Variants in LDHAL6A observed in about 807,000 individuals in gnomAD.
LDHAL6A encodes L-lactate dehydrogenase A-like 6A.
Under a neutral mutation model 28.2 loss-of-function variants are expected in LDHAL6A, and 19 were observed. The ratio of observed to expected loss-of-function variants is 0.67; its 90% CI spans 0.47 to 0.99. LDHAL6A has a LOEUF of 0.99. Ranked by LOEUF, LDHAL6A falls within the 50% of genes least tolerant of loss-of-function variation. LDHAL6A has a pLI of 0.00. For missense variants in LDHAL6A, 372 were observed against 398.6 expected (o/e 0.93, Z 0.57); for synonymous variants, 144 against 134.4 (o/e 1.07, Z -0.49).
chr11:18,463,665 C>T (rs1848980011), intron 1 of LDHAL6A, among the ~76,000 whole-genome samples: 1 of 152,176 alleles, frequency 6.6e-6, no homozygotes, highest in South Asian at 2.1e-4. Flanking sequence ...TATCACTGTG[C>T]AGCCTCAGCT....
chr11:18,477,184 GCTCATGC>G (rs565599480), intron 5 of LDHAL6A, among the ~76,000 whole-genome samples: 1 of 151,582 alleles, frequency 6.6e-6, no homozygotes, highest in African/African-American at 2.4e-5. Flanking sequence ...GGGCGTGGTG[GCTCATGC>G]CTCATGCCTC....
At chr11:18,478,309 T>G (rs1849439661) in intron 6 of LDHAL6A, among the ~76,000 whole-genome samples, 1 of 152,094 alleles carries the variant, frequency 6.6e-6, no homozygotes, top group African/African-American at 2.4e-5. Context: ...GAAAGAAGGG[T>G]GAGCCCCAGC....
intron 5 of LDHAL6A, 31 bp downstream of exon 5, chr11:18,476,532 T>G (rs1463003853): frequency 6.2e-7 from 1 of 1,607,118 alleles, no homozygotes; most frequent in South Asian, 1.1e-5. Flanking sequence ...TTTCAGTACC[T>G]TAGAAGTTGT....
At chr11:18,465,493 TAA>T (rs1330692570) in intron 2 of LDHAL6A, 142 bp from the exon 3 acceptor site, 1 of 473,920 alleles carries the variant, frequency 2.1e-6, no homozygotes, top group East Asian at 3.5e-5. Context: ...TTCCTGAAAT[TAA>T]AAAGTAGTCT....
Position 18,475,490 on chromosome 11 carries a change from G to A in LDHAL6A, c.443G>A (p.Trp148Ter), listed in dbSNP as rs1388990427. Residue 148 changes from tryptophan to a stop codon, truncating the protein, a stop_gained, in exon 4 of 7, where the codon TGG becomes TAG. Coordinates refer to ENST00000280706, the MANE Select transcript of LDHAL6A (RefSeq NM_144972.5). LOFTEE classifies it high-confidence loss of function. The stretch of plus-strand genomic sequence containing the variant: ...GTGGATATCTTAACTTATGTAGCCT[G>A]GAAGTTGAGTGGATTTCCCAAAAAC... ...NPVDILTYVAWKLSGFPKNRV... is the reference protein window; with the variant it reads ...NPVDILTYVA 1.2e-6 allele frequency: 2 copies of A among 1,613,594 alleles called. No individual in the cohort carries two copies. The highest frequency in any genetic ancestry group is 8.5e-7 in the Non-Finnish European group (1 of 1,179,726).
At chr11:18,466,163 G>A (rs1008877673) in intron 3 of LDHAL6A, among the ~76,000 whole-genome samples, 6 of 152,116 alleles carry the variant, frequency 3.9e-5, no homozygotes, top group African/African-American at 9.7e-5. Flanking sequence ...GTTTTTTATG[G>A]CTGCATAGGA....
chr11:18,462,731 G>A (rs1320897879), intron 1 of LDHAL6A, among the ~76,000 whole-genome samples: 7 of 151,364 alleles, frequency 4.6e-5, no homozygotes, highest in African/African-American at 1.7e-4. Context: ...TACTCAGGAA[G>A]CTGAGGCAGG....
At chr11:18,466,688 G>C (rs892552379) in intron 3 of LDHAL6A, among the ~76,000 whole-genome samples, 1 of 150,252 alleles carries the variant, frequency 6.7e-6, no homozygotes, top group Non-Finnish European at 1.5e-5. Flanking sequence ...TGTATGGGAA[G>C]ATAATATGCT....
At chr11:18,476,245 T>A in intron 4 of LDHAL6A, 139 bp from the exon 5 acceptor site, 1 of 877,644 alleles carries the variant, frequency 1.1e-6, no homozygotes. Flanking sequence ...AGATTTAGAA[T>A]ATCTGGAGTG....
At chr11:18,457,472 A>C (rs1848788784) in intron 1 of LDHAL6A, among the ~76,000 whole-genome samples, 1 of 152,008 alleles carries the variant, frequency 6.6e-6, no homozygotes, top group Non-Finnish European at 1.5e-5. Flanking sequence ...GCCATCTTTT[A>C]TATAACCTTT....
Position 18,462,764 on chromosome 11 carries a change from C to T in LDHAL6A, c.127-1197C>T, listed in dbSNP as rs182275359. Among the ~76,000 whole-genome samples, 452 of 151,298 alleles carry T rather than the reference C, an allele frequency of 3.0e-3. 3 individuals carry two copies. The Middle Eastern group carries it at 0.031, about 10-fold the overall frequency. ...AGGAGAATCACTAGAACCCAGGAAG[C>T]GGAGGTGGCAGTGAGCCGAGATTGC... On this transcript the variant is annotated intron_variant, in intron 1 of 6. Transcript: ENST00000280706.
At chr11:18,459,688 C>G (rs866902015) in intron 1 of LDHAL6A, among the ~76,000 whole-genome samples, 4 of 152,194 alleles carry the variant, frequency 2.6e-5, no homozygotes, top group Non-Finnish European at 5.9e-5. Context: ...AAAGTCCACA[C>G]TTTACTCAGA....
At chr11:18,470,116 A>G (rs1849222492) in intron 3 of LDHAL6A, among the ~76,000 whole-genome samples, 1 of 152,160 alleles carries the variant, frequency 6.6e-6, no homozygotes, top group Non-Finnish European at 1.5e-5. Flanking sequence ...TTTAGTACAG[A>G]TGGGGTTTTA....
Position 18,459,479 on chromosome 11 carries a change from G to C in LDHAL6A, c.126+2673G>C, listed in dbSNP as rs186931951. Among the ~76,000 whole-genome samples the C allele has an allele frequency of 4.4e-3, 673 of 152,258 alleles. 8 individuals are homozygous for C. The highest frequency in any genetic ancestry group is 0.015 in the African/African-American group (629 of 41,540). On this transcript the variant is annotated intron_variant, in intron 1 of 6. Transcript: ENST00000280706. ...TTTTGGGACTTGGACTGGCTTCCTT[G>C]CTCCTCGGCTTGCAAATGGCCTGTT...
intron 1 of LDHAL6A, among the ~76,000 whole-genome samples, chr11:18,461,084 C>T (rs141433779): frequency 3.1e-4 from 47 of 151,972 alleles, no homozygotes; most frequent in Middle Eastern, 3.4e-3. Flanking sequence ...GTGATCCGCC[C>T]GCCTTGGCCT....
chr11:18,456,560 C>A lies in LDHAL6A; in HGVS notation c.-121C>A. The A allele has an allele frequency of 1.3e-6, 1 of 775,186 alleles. No homozygotes were observed. 48.0% of individuals were successfully genotyped at this position (775,186 alleles called of 1,614,324 possible). On this transcript the variant is annotated 5_prime_UTR_variant, in exon 1 of 7. Coordinates refer to ENST00000280706, the MANE Select transcript of LDHAL6A (RefSeq NM_144972.5). ...TTTTGTGTGTCTGCAGCACCTCCTT[C>A]CACACGGGCCCAGGAGTTCTCTATA...
rs199684689 is a variant in LDHAL6A, at chr11:18,477,760, C to T, written c.834+17C>T. On this transcript the variant is annotated intron_variant, in intron 6 of 6. Transcript: ENST00000280706. ...CTAAGTAAGGTAGGACATTCATGTT[C>T]GAAAAATCATTAACTCAACATAAAA... is the stretch of plus-strand genomic sequence containing the variant. 1.5e-5 allele frequency: 23 copies of T among 1,576,812 alleles called. No individual in the cohort carries two copies. Among genetic ancestry groups the T allele is most frequent in the Middle Eastern group, 1.7e-4 (1 of 5,888 alleles).
chr11:18,467,918 T>TACAC lies in LDHAL6A; in HGVS notation c.418+2114_418+2117dup, dbSNP rs1164319622. Among the ~76,000 whole-genome samples, 85 of 49,724 alleles carry TACAC rather than the reference T, an allele frequency of 1.7e-3. 2 individuals carry two copies. The highest frequency in any genetic ancestry group is 5.8e-3 in the East Asian group (5 of 856). 32.6% of individuals were successfully genotyped at this position (49,724 alleles called of 152,430 possible). Reference sequence around the variant, plus strand: ...ATATATATATATATATATATATATATACACACACATATATATATACACACA... The same window carrying TACAC: ...ATATATATATATATATATATATATATACACACACACACATATATATATACACACA... On this transcript the variant is annotated intron_variant, in intron 3 of 6. Coordinates refer to ENST00000280706, the MANE Select transcript of LDHAL6A (RefSeq NM_144972.5).
chr11:18,471,210 G>GTT (rs71313425), intron 3 of LDHAL6A, among the ~76,000 whole-genome samples: 8,665 of 138,820 alleles, frequency 0.062, 311 homozygotes, highest in Non-Finnish European at 0.08. Context: ...AACTTTAGAA[G>GTT]TTTTTTTTTT....
Sources: gnomAD v4.1 joint callset for allele counts (sites outside exome capture counted in the v4.1 genomes callset) on GRCh38, gnomAD v4.1.1 for gene constraint, MANE v1.5 for transcripts, NCBI Gene and HGNC (gene_info 2026-07-23, HGNC 2026-07-21) for gene names.